The following KCNQ3 variants were observed in gnomAD, a reference collection of about 807,000 sequenced individuals.
KCNQ3 encodes potassium voltage-gated channel subfamily KQT member 3.
KCNQ3 carries 30 observed loss-of-function variants against 92.5 expected under a neutral mutation model. The observed-to-expected ratio is 0.32, with a 90% CI of 0.24 to 0.44. The LOEUF is 0.44. Ranked by LOEUF, KCNQ3 falls within the 20% of genes least tolerant of loss-of-function variation. The probability of loss-of-function intolerance (pLI) is 1.00; values close to 1 mark genes in which losing one functional copy is unlikely to be tolerated. For missense variants in KCNQ3, 913 were observed against 1,140.3 expected, an observed-to-expected ratio of 0.80 and a Z score of 2.87; for synonymous variants, 450 against 468.8, an observed-to-expected ratio of 0.96 and a Z score of 0.52.
intron 1 of KCNQ3, chr8:132,321,667 C>T (rs1187315288): frequency 3.9e-5 from 6 of 152,208 alleles, no homozygotes; most frequent in Admixed American, 2.6e-4. Context: ...AGTTTCCTAA[C>T]CACATTTTTC....
chr8:132,224,729 C>CA (rs1261672024), intron 1 of KCNQ3, among the ~76,000 whole-genome samples: 1 of 149,096 alleles, frequency 6.7e-6, no homozygotes, highest in African/African-American at 2.5e-5. Flanking sequence ...AGTCCATATT[C>CA]AACTCAAATA....
At chr8:132,377,421 T>C (rs944219498) in intron 1 of KCNQ3, among the ~76,000 whole-genome samples, 1 of 152,190 alleles carries the variant, frequency 6.6e-6, no homozygotes, top group African/African-American at 2.4e-5. Flanking sequence ...GTATATCCTC[T>C]TGGTCCTGTC....
chr8:132,135,687 C>A (rs79653924), intron 12 of KCNQ3, among the ~76,000 whole-genome samples: 7,190 of 152,102 alleles, frequency 0.047, 227 homozygotes, highest in Non-Finnish European at 0.071. Context: ...CATGCTTCAT[C>A]CTCGTCTCTC....
intron 1 of KCNQ3, among the ~76,000 whole-genome samples, chr8:132,453,564 G>A (rs752443980): frequency 3.3e-5 from 5 of 152,122 alleles, no homozygotes; most frequent in Admixed American, 1.3e-4. Context: ...CTAGGCGGGT[G>A]GTGTCCCTGA....
intron 1 of KCNQ3, among the ~76,000 whole-genome samples, chr8:132,444,419 G>GTTTATTTT (rs1821622074): frequency 6.6e-6 from 1 of 152,164 alleles, no homozygotes; most frequent in Non-Finnish European, 1.5e-5. Flanking sequence ...TTGAATCAAG[G>GTTTATTTT]ATTTTATTCC....
intron 12 of KCNQ3, among the ~76,000 whole-genome samples, chr8:132,134,779 G>A (rs919025337): frequency 5.9e-5 from 9 of 151,674 alleles, no homozygotes; most frequent in African/African-American, 2.2e-4. Flanking sequence ...AAATGTCATA[G>A]GTGGACTGCA....
Position 132,229,481 on chromosome 8 carries a change from T to C in KCNQ3, c.387-43300A>G, listed in dbSNP as rs142900170. ...GTCGGAGGATGGCATGGCTAGCTGG[T>C]GCCCTTGTCTGAGTTTTGGTACATG... On this transcript the variant is annotated intron_variant, in intron 1 of 14. Coordinates refer to ENST00000388996, the MANE Select transcript of KCNQ3 (RefSeq NM_004519.4). 3.0e-3 allele frequency among the ~76,000 whole-genome samples: 450 copies of C among 152,128 alleles called. 1 individual carries two copies. The highest frequency in any genetic ancestry group is 0.01 in the African/African-American group (431 of 41,494).
chr8:132,238,560 T>G (rs1451275434), intron 1 of KCNQ3, among the ~76,000 whole-genome samples: 1 of 152,208 alleles, frequency 6.6e-6, no homozygotes, highest in South Asian at 2.1e-4. Context: ...TCAACTCTTA[T>G]GCAAACACTA....
intron 1 of KCNQ3, among the ~76,000 whole-genome samples, chr8:132,443,736 G>A (rs547291739): frequency 2.0e-4 from 30 of 152,064 alleles, no homozygotes; most frequent in Non-Finnish European, 1.2e-4. Flanking sequence ...AGCCAGTAGT[G>A]AAATATAAGG....
At chr8:132,392,922 C>CTTTTT (rs201581471) in intron 1 of KCNQ3, among the ~76,000 whole-genome samples, 120 of 150,352 alleles carry the variant, frequency 8.0e-4, no homozygotes, top group Middle Eastern at 3.4e-3. Context: ...AAACCTTTTT[C>CTTTTT]TTTTTTTCTG....
intron 1 of KCNQ3, among the ~76,000 whole-genome samples, chr8:132,213,667 G>C (rs1447301224): frequency 6.6e-6 from 1 of 152,206 alleles, no homozygotes; most frequent in Non-Finnish European, 1.5e-5. Flanking sequence ...GATGAGGAGA[G>C]AGACAGCTTT....
intron 1 of KCNQ3, among the ~76,000 whole-genome samples, chr8:132,460,384 C>G (rs28870753): frequency 1.3e-3 from 204 of 152,286 alleles, no homozygotes; most frequent in African/African-American, 4.7e-3. Flanking sequence ...ATTTCCAACT[C>G]AAATCCATAC....
At chr8:132,235,916 G>A (rs1358658092) in intron 1 of KCNQ3, among the ~76,000 whole-genome samples, 2 of 152,120 alleles carry the variant, frequency 1.3e-5, no homozygotes, top group African/African-American at 2.4e-5. Flanking sequence ...AACCCTGTCT[G>A]AAATCATCTG....
intron 1 of KCNQ3, among the ~76,000 whole-genome samples, chr8:132,354,194 A>G (rs1342509069): frequency 1.3e-5 from 2 of 152,218 alleles, no homozygotes; most frequent in Non-Finnish European, 2.9e-5. Context: ...TATCTGCAGG[A>G]GAGGCAGCTG....
Position 132,129,287 on chromosome 8 carries a change from C to T in KCNQ3, c.2594G>A (p.Trp865Ter). 2.5e-6 allele frequency: 4 copies of T among 1,613,328 alleles called. No homozygotes were observed. The highest frequency in any genetic ancestry group is 3.4e-6 in the Non-Finnish European group (4 of 1,180,012). ...STGDGISDSV[W>*]TPSNKPI ...TTAAATGGGCTTATTGGAAGGGGTC[C>T]ATACTGAATCAGAAATCCCATCCCC... Residue 865 changes from tryptophan (W) to a stop codon, truncating the protein, a stop_gained, in exon 15 of 15, where the codon TGG becomes TAG. Coordinates refer to ENST00000388996, the MANE Select transcript of KCNQ3 (RefSeq NM_004519.4). LOFTEE classifies it high-confidence loss of function. The surrounding 1 kb of genome is among the most constrained non-coding windows in gnomAD (Gnocchi z 5.9).
At chr8:132,306,641 G>GC (rs1817433213) in intron 1 of KCNQ3, among the ~76,000 whole-genome samples, 3 of 152,232 alleles carry the variant, frequency 2.0e-5, no homozygotes, top group Admixed American at 2.0e-4. Flanking sequence ...ACTATAGGAA[G>GC]CAGGCAAGCT....
chr8:132,371,967 T>C (rs1819483254), intron 1 of KCNQ3, among the ~76,000 whole-genome samples: 1 of 152,080 alleles, frequency 6.6e-6, no homozygotes, highest in Non-Finnish European at 1.5e-5. Context: ...TAAGATACCG[T>C]TTTGCACAGG....
At chr8:132,191,347 G>A (rs1028670219) in intron 1 of KCNQ3, among the ~76,000 whole-genome samples, 5 of 152,000 alleles carry the variant, frequency 3.3e-5, no homozygotes, top group Non-Finnish European at 5.9e-5. Flanking sequence ...TTATAGAGAT[G>A]GGGTCTCGTT....
chr8:132,201,841 C>A (rs199507483), intron 1 of KCNQ3, among the ~76,000 whole-genome samples: 6 of 152,160 alleles, frequency 3.9e-5, no homozygotes, highest in Non-Finnish European at 5.9e-5. Context: ...GGGCACTGCC[C>A]TAGCGAGGTC....
Sources: gnomAD v4.1 joint callset for allele counts (sites outside exome capture counted in the v4.1 genomes callset) on GRCh38, gnomAD v4.1.1 for gene constraint, Gnocchi (gnomAD v3.1) non-coding constraint, MANE v1.5 for transcripts, NCBI Gene and HGNC (gene_info 2026-07-23, HGNC 2026-07-21) for gene names.